Variants in WDR7 observed in about 807,000 individuals in gnomAD.
WDR7 encodes the protein WD repeat domain 7.
WDR7 carries 46 observed loss-of-function variants against 169.4 expected under a neutral mutation model. The observed-to-expected ratio is 0.27, with a 90% CI of 0.21 to 0.35. The LOEUF is 0.35. WDR7 is among the 10% of genes least tolerant of loss of function. The pLI is 1.00. For synonymous variants in WDR7, 612 were observed against 666.8 expected, an observed-to-expected ratio of 0.92 and a Z score of 1.27; for missense variants, 1,534 against 1,859.3, an observed-to-expected ratio of 0.83 and a Z score of 3.22.
At chr18:56,958,841 A>G (rs2047294407) in intron 25 of WDR7, among the ~76,000 whole-genome samples, 1 of 152,172 alleles carries the variant, frequency 6.6e-6, no homozygotes, top group Non-Finnish European at 1.5e-5. Flanking sequence ...TGTTTAGCAT[A>G]GATCATACAC....
At chr18:56,837,233 T>C (rs2045409938) in intron 20 of WDR7, among the ~76,000 whole-genome samples, 1 of 152,246 alleles carries the variant, frequency 6.6e-6, no homozygotes. Context: ...AAGCTTTTTA[T>C]GGTTATGACT....
At chr18:56,665,993 C>T (rs752072466) in intron 1 of WDR7, among the ~76,000 whole-genome samples, 39 of 152,052 alleles carry the variant, frequency 2.6e-4, no homozygotes, top group Middle Eastern at 3.4e-3. Flanking sequence ...CATATTGATC[C>T]GTCACTGGAT....
At chr18:56,882,471 G>A (rs1203019390) in intron 21 of WDR7, among the ~76,000 whole-genome samples, 3 of 152,160 alleles carry the variant, frequency 2.0e-5, no homozygotes, top group African/African-American at 7.2e-5. Context: ...GAATATTGAT[G>A]TTTAAAAATA....
intron 22 of WDR7, 115 bp downstream of exon 22, chr18:56,924,223 C>A: frequency 8.4e-7 from 1 of 1,187,632 alleles, no homozygotes; most frequent in Non-Finnish European, 1.2e-6. Flanking sequence ...ATAAAAAATA[C>A]ACAAATGTTT....
At chr18:56,839,515 T>C (rs1444879258) in intron 20 of WDR7, among the ~76,000 whole-genome samples, 1 of 152,206 alleles carries the variant, frequency 6.6e-6, no homozygotes, top group Non-Finnish European at 1.5e-5. Context: ...ATTACTATTC[T>C]TTAATATTAT....
At chr18:56,861,588 C>G (rs918627843) in intron 20 of WDR7, among the ~76,000 whole-genome samples, 1 of 152,004 alleles carries the variant, frequency 6.6e-6, no homozygotes, top group African/African-American at 2.4e-5. Context: ...GTAGGGCCTG[C>G]TATAATTCTG....
intron 25 of WDR7, among the ~76,000 whole-genome samples, chr18:56,951,608 A>T (rs1481263747): frequency 6.6e-6 from 1 of 152,202 alleles, no homozygotes; most frequent in African/African-American, 2.4e-5. Context: ...TATGGAATTT[A>T]TATATGAAAT....
At chr18:56,984,014 A>T (rs559482108) in intron 26 of WDR7, among the ~76,000 whole-genome samples, 3 of 146,370 alleles carry the variant, frequency 2.0e-5, no homozygotes, top group South Asian at 4.2e-4. Flanking sequence ...CAGTTATCAC[A>T]GTCTTGAGCT....
intron 17 of WDR7, among the ~76,000 whole-genome samples, chr18:56,777,677 A>T (rs576863316): frequency 6.6e-6 from 1 of 152,230 alleles, no homozygotes; most frequent in Non-Finnish European, 1.5e-5. Flanking sequence ...CAAAAATATA[A>T]CAGTAAGACC....
chr18:56,832,500 A>C (rs1278699232), intron 20 of WDR7, among the ~76,000 whole-genome samples: 1 of 152,198 alleles, frequency 6.6e-6, no homozygotes, highest in African/African-American at 2.4e-5. Context: ...TAAGGGACAG[A>C]CTGCCTCCTC....
intron 26 of WDR7, among the ~76,000 whole-genome samples, chr18:57,012,544 G>A (rs1421680181): frequency 1.3e-5 from 2 of 152,166 alleles, no homozygotes; most frequent in South Asian, 2.1e-4. Context: ...CACTTCTGCC[G>A]GGCAAGCTCC....
chr18:56,731,661 C>T (rs2026590949), intron 14 of WDR7, 64 bp downstream of exon 14: 2 of 1,334,888 alleles, frequency 1.5e-6, no homozygotes, highest in South Asian at 1.5e-5. Flanking sequence ...AGTAACATGG[C>T]TTTGGCATAT....
chr18:56,860,965 A>G (rs1173188792), intron 20 of WDR7, among the ~76,000 whole-genome samples: 1 of 152,110 alleles, frequency 6.6e-6, no homozygotes, highest in African/African-American at 2.4e-5. Flanking sequence ...TAAAAAATAT[A>G]TCTTTGTTTT....
intron 20 of WDR7, among the ~76,000 whole-genome samples, chr18:56,869,324 G>A (rs948473626): frequency 6.6e-6 from 1 of 152,304 alleles, no homozygotes; most frequent in South Asian, 2.1e-4. Context: ...AGCAGCTGCA[G>A]AAAGAAATAT....
chr18:56,741,354 G>A lies in WDR7; in HGVS notation c.1989+9757G>A, dbSNP rs2043619104. Among the ~76,000 whole-genome samples, 4 of 152,014 alleles carry A rather than the reference G, an allele frequency of 2.6e-5. No homozygotes were observed. The South Asian group carries it at 8.3e-4, about 32-fold the overall frequency. On this transcript the variant is annotated intron_variant, in intron 14 of 27. Transcript: ENST00000254442. ...GAAAACCAATCCAAAATAATCTTTT[G>A]TCATTTTTATCTCCTTCTGAAAGCA...
At position 56,879,235 on chromosome 18, in the gene WDR7, G is replaced by GTTGTTTTA. The variant is rs368509214; in HGVS notation, c.3305-709_3305-708insTTGTTTTA. On this transcript the variant is annotated intron_variant, in intron 20 of 27. Coordinates refer to ENST00000254442, the MANE Select transcript of WDR7 (RefSeq NM_015285.3). ...AAAGTAGTTGTGCCATTTTTATCAT[G>GTTGTTTTA]CCCAACAACAAAGCATGAGGGTTTC... Among the ~76,000 whole-genome samples the GTTGTTTTA allele has an allele frequency of 1.4e-3, 217 of 152,186 alleles. 3 individuals carry two copies. In the South Asian group the frequency reaches 0.02, roughly 14 times the overall value.
chr18:56,807,184 A>G (rs1000199999), intron 19 of WDR7, among the ~76,000 whole-genome samples: 3 of 152,058 alleles, frequency 2.0e-5, no homozygotes, highest in African/African-American at 7.2e-5. Flanking sequence ...AAGGATTTCA[A>G]AGGTACCTTC....
chr18:56,692,409 A>C (rs1226610288), intron 9 of WDR7, among the ~76,000 whole-genome samples: 2 of 151,050 alleles, frequency 1.3e-5, no homozygotes, highest in East Asian at 1.9e-4. Flanking sequence ...AGTAAGAAAG[A>C]AGCTTTGGCT....
intron 20 of WDR7, among the ~76,000 whole-genome samples, chr18:56,864,262 T>A (rs1302040384): frequency 6.6e-6 from 1 of 151,588 alleles, no homozygotes; most frequent in African/African-American, 2.4e-5. Context: ...TGTTTTTAGT[T>A]ACTTAAATAC....
Sources: allele counts gnomAD v4.1 joint callset (sites outside exome capture counted in the v4.1 genomes callset), GRCh38; gene constraint gnomAD v4.1.1; transcripts MANE v1.5; gene names NCBI Gene and HGNC (gene_info 2026-07-23, HGNC 2026-07-21).